Variants in LARP6 observed in about 807,000 individuals in gnomAD.
LARP6 encodes La ribonucleoprotein 6, translational regulator.
A neutral mutation model predicts 32.8 loss-of-function variants in LARP6; 18 were observed. The ratio of observed to expected loss-of-function variants is 0.55; its 90% CI spans 0.38 to 0.81. The LOEUF (loss-of-function observed/expected upper bound fraction) is 0.81, where lower values mean the gene tolerates loss of function less well. Among genes scored for constraint, LARP6 ranks in the 40% least tolerant of loss-of-function variants. The probability of loss-of-function intolerance (pLI) is 0.00; values close to 1 mark genes in which losing one functional copy is unlikely to be tolerated. For synonymous variants in LARP6, 289 were observed against 267.2 expected, an observed-to-expected ratio of 1.08 and a Z score of -0.80; for missense variants, 598 against 663.1, an observed-to-expected ratio of 0.90 and a Z score of 1.08.
rs1490795676 is a variant in LARP6 at position 70,831,141 on chromosome 15, G to T, written c.*911C>A. 1 of 152,222 alleles carries T rather than the reference G, an allele frequency of 6.6e-6. No individual in the cohort carries two copies. Among genetic ancestry groups the T allele is most frequent in the African/African-American group, 2.4e-5 (1 of 41,444 alleles). The allele number at this position is 152,222 out of a possible 1,614,324, so 9.4% of individuals were successfully genotyped here. A position where few individuals can be genotyped will look rare whatever the true frequency, so the allele number is the denominator to read the frequency against. Reference sequence around the variant, plus strand: ...TTTCTAATTCAGTGGGCCTAGGGTTGGCCTGAGAATCTGGATTTCTAATAA... The same window carrying T: ...TTTCTAATTCAGTGGGCCTAGGGTTTGCCTGAGAATCTGGATTTCTAATAA... On this transcript the variant is annotated 3_prime_UTR_variant, in exon 3 of 3. Transcript: ENST00000299213.
At chr15:70,837,561 C>A (rs2032171004) in intron 1 of LARP6, among the ~76,000 whole-genome samples, 1 of 152,152 alleles carries the variant, frequency 6.6e-6, no homozygotes, top group South Asian at 2.1e-4. Flanking sequence ...TCGGTAAGAT[C>A]ATCCATATTT....
In LARP6 at chr15:70,830,429, T is replaced by G. The variant is rs2032019381; in HGVS notation, c.*1623A>C. 1 of 152,228 alleles carries G rather than the reference T, an allele frequency of 6.6e-6. No homozygotes were observed. The highest frequency in any genetic ancestry group is 2.4e-5 in the African/African-American group (1 of 41,458). The allele number at this position is 152,228 out of a possible 1,614,324, so 9.4% of individuals were successfully genotyped here. A position where few individuals can be genotyped will look rare whatever the true frequency, so the allele number is the denominator to read the frequency against. ...GCCTAGCACGTAGGAAGGTGCTGAA[T>G]AAATATTAGCACCTTTTATGGTGGA... On this transcript the variant is annotated 3_prime_UTR_variant, in exon 3 of 3. Transcript: ENST00000299213.
chr15:70,833,186 C>G, intron 2 of LARP6, 70 bp from the exon 3 acceptor site: 1 of 1,231,370 alleles, frequency 8.1e-7, no homozygotes, highest in South Asian at 1.3e-5. Flanking sequence ...GCTATAAGCT[C>G]CCTCCCTCAC....
intron 2 of LARP6, among the ~76,000 whole-genome samples, chr15:70,836,019 A>T (rs2032140937): frequency 6.6e-6 from 1 of 152,210 alleles, no homozygotes; most frequent in Non-Finnish European, 1.5e-5. Flanking sequence ...CTTGCCTGGC[A>T]AAAGTGCCTG....
rs1049748601 is a variant in LARP6, at chr15:70,831,392, T to C, written c.*660A>G. ...CAAAGTTTCTCATGTAGCCCATAAATGTGTACAAATAAAAAAATTTTTAAA... is the reference window on the plus strand; with the variant it reads ...CAAAGTTTCTCATGTAGCCCATAAACGTGTACAAATAAAAAAATTTTTAAA... On this transcript the variant is annotated 3_prime_UTR_variant, in exon 3 of 3. Coordinates refer to ENST00000299213, the MANE Select transcript of LARP6 (RefSeq NM_018357.4). 6 of 152,174 alleles carry C rather than the reference T, an allele frequency of 3.9e-5. No homozygotes were observed. The highest frequency in any genetic ancestry group is 1.2e-4 in the African/African-American group (5 of 41,438). The allele number at this position is 152,174 out of a possible 1,614,324, so 9.4% of individuals were successfully genotyped here. A position where few individuals can be genotyped will look rare whatever the true frequency, so the allele number is the denominator to read the frequency against.
intron 1 of LARP6, chr15:70,851,590 A>G: frequency 6.3e-7 from 1 of 1,593,642 alleles, no homozygotes; most frequent in Non-Finnish European, 8.5e-7. Flanking sequence ...TCTCAACACC[A>G]TTGAGTGAGT....
chr15:70,836,446 G>T lies in LARP6; in HGVS notation c.260C>A (p.Pro87His), dbSNP rs2032149319. Reference protein sequence around the residue: ...EREDLEQEWKPPDEELIKKLV... With the variant: ...EREDLEQEWKHPDEELIKKLV... ...TTTCTTGATCAACTCCTCATCCGGGGGCTTCCACTCCTGCTCCAGGTCCTC... is the reference window on the plus strand; with the variant it reads ...TTTCTTGATCAACTCCTCATCCGGGTGCTTCCACTCCTGCTCCAGGTCCTC... The change falls in exon 2 of 3, where the codon CCC (proline) becomes CAC (histidine). Residue 87 changes from proline (P) to histidine (H), a missense_variant. Physicochemically the swap from Pro to His is moderately conservative, Grantham distance 77. Coordinates refer to ENST00000299213, the MANE Select transcript of LARP6 (RefSeq NM_018357.4). 6.2e-7 allele frequency: 1 copy of T among 1,613,964 alleles called. No homozygotes were observed. The highest frequency in any genetic ancestry group is 1.3e-5 in the African/African-American group (1 of 74,884).
chr15:70,832,281 C>T lies in LARP6; in HGVS notation c.1247G>A (p.Cys416Tyr), dbSNP rs201670267. The T allele has an allele frequency of 5.3e-5, 86 of 1,614,130 alleles. No homozygotes were observed. The highest frequency in any genetic ancestry group is 7.2e-5 in the Non-Finnish European group (85 of 1,180,050). The change falls in exon 3 of 3, where the codon TGT becomes TAT. Residue 416 changes from cysteine (C) to tyrosine (Y), a missense_variant. Coordinates refer to ENST00000299213, the MANE Select transcript of LARP6 (RefSeq NM_018357.4). The part of the protein sequence containing the change: ...CSTSPEIFRK[C>Y]MDYSSDSSVT... ...GCTGCTGTCAGAGGAATAATCCATA[C>T]ACTTGCGGAAGATCTCAGGGCTGGT...
rs1219487775 is a variant in LARP6, at chr15:70,830,155, A to G, written c.*1897T>C. On this transcript the variant is annotated 3_prime_UTR_variant, in exon 3 of 3. Coordinates refer to ENST00000299213, the MANE Select transcript of LARP6 (RefSeq NM_018357.4). Reference sequence around the variant, plus strand: ...TGGTAGTGCTGGAAATGGCAAATCCAGAACATTGCTGGAGGCATTTGCCAG... The same window carrying G: ...TGGTAGTGCTGGAAATGGCAAATCCGGAACATTGCTGGAGGCATTTGCCAG... 6.6e-6 allele frequency: 1 copy of G among 152,306 alleles called. No individual in the cohort carries two copies. Among genetic ancestry groups the G allele is most frequent in the Non-Finnish European group, 1.5e-5 (1 of 68,058 alleles). 9.4% of individuals were successfully genotyped at this position (152,306 alleles called of 1,614,324 possible). A position where few individuals can be genotyped will look rare whatever the true frequency, so the allele number is the denominator to read the frequency against.
chr15:70,845,440 T>C (rs961684627), intron 1 of LARP6, among the ~76,000 whole-genome samples: 6 of 152,222 alleles, frequency 3.9e-5, no homozygotes, highest in Non-Finnish European at 5.9e-5. Context: ...ACTGGGATTA[T>C]GGGTTTTTGG....
At position 70,829,482 on chromosome 15, in the gene LARP6, G is replaced by A. The variant is rs1008765080; in HGVS notation, c.*2570C>T. 1 of 152,310 alleles carries A rather than the reference G, an allele frequency of 6.6e-6. No individual in the cohort carries two copies. The highest frequency in any genetic ancestry group is 1.9e-4 in the East Asian group (1 of 5,200). 9.4% of individuals were successfully genotyped at this position (152,310 alleles called of 1,614,324 possible). A position where few individuals can be genotyped will look rare whatever the true frequency, so the allele number is the denominator to read the frequency against. ...AGCTCTTTAGGTGACTCTAATGTGA[G>A]GCCAGGGTTAAGAATTGCAGCAAAA... On this transcript the variant is annotated 3_prime_UTR_variant, in exon 3 of 3. Coordinates refer to ENST00000299213, the MANE Select transcript of LARP6 (RefSeq NM_018357.4).
In LARP6 at chr15:70,836,472, A is replaced by T. The variant is rs2032150127; in HGVS notation, c.234T>A (p.Arg78=). The change falls in exon 2 of 3, where the codon CGT becomes CGA. Residue 78 remains arginine (R), a synonymous_variant. Transcript: ENST00000299213. The part of the protein sequence containing the change: ...GTTASGGENE[R]EDLEQEWKPP... ...GCTTCCACTCCTGCTCCAGGTCCTC[A>T]CGCTCGTTCTCACCTCCACTTGCAG... 17 of 1,614,090 alleles carry T rather than the reference A, an allele frequency of 1.1e-5. No individual in the cohort carries two copies. Among genetic ancestry groups the T allele is most frequent in the Non-Finnish European group, 1.4e-5 (17 of 1,180,018 alleles).
intron 1 of LARP6, among the ~76,000 whole-genome samples, chr15:70,848,184 T>G: frequency 6.6e-6 from 1 of 152,144 alleles, no homozygotes; most frequent in Non-Finnish European, 1.5e-5. Flanking sequence ...CAAACCATAT[T>G]TTGGATGGTG....
In LARP6 at chr15:70,854,073, C is replaced by G. The variant is rs2032577995; in HGVS notation, c.16G>C (p.Gly6Arg). 2 of 1,369,424 alleles carry G rather than the reference C, an allele frequency of 1.5e-6. No homozygotes were observed. The allele number at this position is 1,369,424 out of a possible 1,614,324, so 84.8% of individuals were successfully genotyped here. Residue 6 changes from glycine to arginine, a missense_variant, in exon 1 of 3, where the codon GGG becomes CGG. Around this residue, in one of 3 missense-constraint regions of LARP6, gnomAD observed 161 missense variants for 148.6 expected, o/e 1.08. Transcript: ENST00000299213. Reference sequence around the variant, plus strand: ...GTCTTGGGCCCGGGCCGAGCCTCCCCGCCGGACTGGGCCATGGCTCGCGGG... The same window carrying G: ...GTCTTGGGCCCGGGCCGAGCCTCCCGGCCGGACTGGGCCATGGCTCGCGGG... MAQSG[G>R]EARPGPKTAV... is the part of the protein sequence containing the mutation.
Position 70,832,457 on chromosome 15 carries a change from G to T in LARP6, c.1071C>A (p.Ala357=), listed in dbSNP as rs758950459. The change falls in exon 3 of 3, where the codon GCC becomes GCA. Residue 357 remains alanine (A), a synonymous_variant. Coordinates refer to ENST00000299213, the MANE Select transcript of LARP6 (RefSeq NM_018357.4). ...GGCCAGACGGGCTGAGCTTGTTGGT[G>T]GCCGCGTGCCGTCGGCCCGCCATAG... ...TSPMAGRRHA[A]TNKLSPSGHQ... is the part of the protein sequence containing the mutation. 6 of 1,556,296 alleles carry T rather than the reference G, an allele frequency of 3.9e-6. No homozygotes were observed. Among genetic ancestry groups the T allele is most frequent in the Non-Finnish European group, 5.2e-6 (6 of 1,154,476 alleles).
intron 2 of LARP6, 45 bp from the exon 3 acceptor site, chr15:70,833,161 T>A (rs2032087384): frequency 6.5e-7 from 1 of 1,531,126 alleles, no homozygotes; most frequent in Non-Finnish European, 9.0e-7. Context: ...AATGTCCTTG[T>A]CCATCCTTGT....
Position 70,853,889 on chromosome 15 carries a change from C to G in LARP6, c.200G>C (p.Ser67Thr), listed in dbSNP as rs1410371495. The G allele has an allele frequency of 7.7e-7, 1 of 1,302,178 alleles. No homozygotes were observed. The highest frequency in any genetic ancestry group is 3.5e-5 in the Admixed American group (1 of 28,200). 80.7% of individuals were successfully genotyped at this position (1,302,178 alleles called of 1,614,324 possible). The change falls in exon 1 of 3, where the codon AGT becomes ACT. Residue 67 changes from serine to threonine, a missense_variant and splice_region_variant. This residue lies in a region of LARP6 where 161 missense variants were observed against 148.6 expected (regional missense o/e 1.08). Coordinates refer to ENST00000299213, the MANE Select transcript of LARP6 (RefSeq NM_018357.4). ...ASEEEPSRGH[S>T]GTTASGGENE... ...CTCCCGGGCCAGCCGCCGCGCCTAC[C>G]TGTGCCCGCGGCTCGGCTCCTCCTC...
At chr15:70,851,803 G>A (rs1043582217) in intron 1 of LARP6, 3 of 1,591,326 alleles carry the variant, frequency 1.9e-6, no homozygotes, top group Non-Finnish European at 2.6e-6. Flanking sequence ...CAACAGAGAA[G>A]AAAGGAAACA....
intron 1 of LARP6, among the ~76,000 whole-genome samples, chr15:70,843,140 C>CTTAA (rs1481512193): frequency 1.3e-5 from 2 of 152,148 alleles, no homozygotes; most frequent in African/African-American, 4.8e-5. Context: ...CTTCTATGTA[C>CTTAA]TTAAGCTCAA....
Sources: allele counts gnomAD v4.1 joint callset (sites outside exome capture counted in the v4.1 genomes callset), GRCh38; gene constraint gnomAD v4.1.1; regional missense constraint gnomAD v4.1.1; transcripts MANE v1.5; gene names NCBI Gene and HGNC (gene_info 2026-07-23, HGNC 2026-07-21).